The following CLVS1 variants were observed in gnomAD, a reference collection of about 807,000 sequenced individuals.
CLVS1 encodes clavesin 1.
In CLVS1, 10 loss-of-function variants were observed where a neutral mutation model predicts 33.1. That is an observed-to-expected ratio of 0.30 (90% CI 0.19 to 0.51). CLVS1 has a LOEUF of 0.51. CLVS1 is among the 20% of genes least tolerant of loss of function. The probability of loss-of-function intolerance (pLI) is 0.97; values close to 1 mark genes in which losing one functional copy is unlikely to be tolerated. For synonymous variants in CLVS1, 163 were observed against 166.1 expected (o/e 0.98, Z 0.14); for missense variants, 343 against 433.4 (o/e 0.79, Z 1.85).
At chr8:61,051,089 T>C in the CLVS1 span, among the ~76,000 whole-genome samples, 85 of 152,324 alleles carry the variant, frequency 5.6e-4, no homozygotes, top group African/African-American at 2.0e-3. Flanking sequence ...ATGGCTTCAT[T>C]ATCTCACCTG....
At chr8:61,041,310 C>CT in the CLVS1 span, among the ~76,000 whole-genome samples, 13 of 150,810 alleles carry the variant, frequency 8.6e-5, no homozygotes, top group East Asian at 3.9e-4. Context: ...GTTATTCAGG[C>CT]TTTTTTTTTG....
chr8:61,376,472 G>A lies in CLVS1; in HGVS notation c.456-133G>A, dbSNP rs562963531. On this transcript the variant is annotated intron_variant, in intron 2 of 5. Transcript: ENST00000325897. ...AGCAAATGTATTTTCAGTCCCTTTG[G>A]GTACAGGACGCCAGTGTGACCCTCC... 6.5e-5 allele frequency: 47 copies of A among 719,426 alleles called. No individual in the cohort carries two copies. In the African/African-American group the frequency reaches 7.8e-4, roughly 12 times the overall value. The allele number at this position is 719,426 out of a possible 1,614,324, so 44.6% of individuals were successfully genotyped here. A position where few individuals can be genotyped will look rare whatever the true frequency, so the allele number is the denominator to read the frequency against.
the CLVS1 span, among the ~76,000 whole-genome samples, chr8:61,050,557 C>A: frequency 6.6e-6 from 1 of 152,344 alleles, no homozygotes; most frequent in Admixed American, 6.5e-5. Context: ...GGTCCCTCGG[C>A]CACCAGCAGC....
At chr8:61,203,874 G>A (rs1585686199) in intron 2 of CLVS1, among the ~76,000 whole-genome samples, 1 of 152,340 alleles carries the variant, frequency 6.6e-6, no homozygotes, top group Non-Finnish European at 1.5e-5. Context: ...TATTGTAAAT[G>A]CAATGTGAAT....
At chr8:61,479,961 T>C (rs1287194682) in intron 5 of CLVS1, among the ~76,000 whole-genome samples, 2 of 152,122 alleles carry the variant, frequency 1.3e-5, no homozygotes, top group Non-Finnish European at 2.9e-5. Flanking sequence ...CTCAGAGGAG[T>C]ACCCGGCCGT....
At chr8:61,027,003 C>T in the CLVS1 span, among the ~76,000 whole-genome samples, 3 of 152,306 alleles carry the variant, frequency 2.0e-5, no homozygotes, top group African/African-American at 7.2e-5. Flanking sequence ...TCCATCAATG[C>T]AGTGTCCCTT....
intron 2 of CLVS1, among the ~76,000 whole-genome samples, chr8:61,211,152 T>G (rs1183825085): frequency 1.3e-5 from 2 of 152,082 alleles, no homozygotes; most frequent in Non-Finnish European, 2.9e-5. Context: ...CTGAACAGTT[T>G]CAGTCAGGGG....
Position 61,358,662 on chromosome 8 carries a change from C to G in CLVS1, c.456-17943C>G, listed in dbSNP as rs542908138. 2.0e-5 allele frequency among the ~76,000 whole-genome samples: 3 copies of G among 152,312 alleles called. No homozygotes were observed. In the South Asian group the frequency reaches 6.2e-4, roughly 32 times the overall value. ...TGGGAACAGAGGATTGAGAACCCAT[C>G]TTCACTATTGAGGTCTGAGTATGCC... is the stretch of plus-strand genomic sequence containing the variant. On this transcript the variant is annotated intron_variant, in intron 2 of 5. Coordinates refer to ENST00000325897, the MANE Select transcript of CLVS1 (RefSeq NM_173519.3).
intron 3 of CLVS1, among the ~76,000 whole-genome samples, chr8:61,388,342 G>C (rs561353309): frequency 6.7e-6 from 1 of 149,344 alleles, no homozygotes; most frequent in Non-Finnish European, 1.5e-5. Flanking sequence ...GATTCAGACA[G>C]GAACACCATG....
At position 61,253,190 on chromosome 8, in the gene CLVS1, G is replaced by A. The variant is rs538526466; in HGVS notation, c.-151-46487G>A. On this transcript the variant is annotated intron_variant, in intron 2 of 2. Coordinates refer to the CLVS1 transcript ENST00000522621. Reference sequence around the variant, plus strand: ...CTCCTTCACTTATGAAGCTTAGTTTGGCTGGATATGAAATTTTGGGTTGAA... The same window carrying A: ...CTCCTTCACTTATGAAGCTTAGTTTAGCTGGATATGAAATTTTGGGTTGAA... Among the ~76,000 whole-genome samples, 3 of 152,222 alleles carry A rather than the reference G, an allele frequency of 2.0e-5. No homozygotes were observed. The South Asian group carries it at 6.2e-4, about 32-fold the overall frequency.
At chr8:61,440,313 G>T (rs1816492946) in intron 3 of CLVS1, among the ~76,000 whole-genome samples, 1 of 152,194 alleles carries the variant, frequency 6.6e-6, no homozygotes, top group Admixed American at 6.5e-5. Context: ...CACAGTTCCT[G>T]ATGCATACTA....
chr8:61,067,538 C>CA (rs1563390481), intron 1 of CLVS1, among the ~76,000 whole-genome samples: 1 of 150,998 alleles, frequency 6.6e-6, no homozygotes, highest in African/African-American at 2.4e-5. Context: ...AGAGCACAAG[C>CA]AAAAAATCCA....
intron 2 of CLVS1, among the ~76,000 whole-genome samples, chr8:61,197,507 G>A (rs1807641311): frequency 6.6e-6 from 1 of 151,966 alleles, no homozygotes; most frequent in South Asian, 2.1e-4. Context: ...GTTTGTTGTT[G>A]TTGTTGTTGT....
chr8:61,404,272 T>C (rs1814891657), intron 3 of CLVS1, among the ~76,000 whole-genome samples: 1 of 152,238 alleles, frequency 6.6e-6, no homozygotes, highest in African/African-American at 2.4e-5. Flanking sequence ...TGTGAGTCTA[T>C]TCATTTACTT....
chr8:61,095,484 T>A (rs1365720790), intron 1 of CLVS1, among the ~76,000 whole-genome samples: 2 of 152,090 alleles, frequency 1.3e-5, no homozygotes, highest in African/African-American at 4.8e-5. Context: ...TAGGAGGTGC[T>A]GGGTAGGCAG....
chr8:61,404,629 T>C (rs994470845), intron 3 of CLVS1, among the ~76,000 whole-genome samples: 4 of 152,088 alleles, frequency 2.6e-5, no homozygotes, highest in Admixed American at 1.3e-4. Flanking sequence ...GAGGAAACAT[T>C]GGAACTCGAA....
intron 2 of CLVS1, among the ~76,000 whole-genome samples, chr8:61,353,078 A>C (rs1812538597): frequency 6.6e-6 from 1 of 152,046 alleles, no homozygotes; most frequent in Non-Finnish European, 1.5e-5. Flanking sequence ...GCAAAAACTG[A>C]TAGTGCTTAA....
At chr8:60,999,672 G>A in the CLVS1 span, among the ~76,000 whole-genome samples, 1 of 152,234 alleles carries the variant, frequency 6.6e-6, no homozygotes, top group East Asian at 1.9e-4. Flanking sequence ...GATAAAAGAT[G>A]ATTAATAAAG....
chr8:61,443,201 G>A (rs776376748), intron 3 of CLVS1, among the ~76,000 whole-genome samples: 1 of 152,012 alleles, frequency 6.6e-6, no homozygotes, highest in African/African-American at 2.4e-5. Flanking sequence ...CATCTACTTC[G>A]CATGAGCTTT....
Sources: gnomAD v4.1 joint callset for allele counts (sites outside exome capture counted in the v4.1 genomes callset) on GRCh38, gnomAD v4.1.1 for gene constraint, MANE v1.5 for transcripts, NCBI Gene and HGNC (gene_info 2026-07-23, HGNC 2026-07-21) for gene names.